Variants in IL1RAPL1 observed in about 807,000 individuals in gnomAD.
IL1RAPL1 encodes interleukin 1 receptor accessory protein like 1.
Under a neutral mutation model 48.4 loss-of-function variants are expected in IL1RAPL1, and 3 were observed. That is an observed-to-expected ratio of 0.06 (90% confidence interval 0.03 to 0.16). The LOEUF is 0.16. Ranked by LOEUF, IL1RAPL1 falls within the 10% of genes least tolerant of loss-of-function variation. The probability of loss-of-function intolerance (pLI) is 1.00; values close to 1 mark genes in which losing one functional copy is unlikely to be tolerated. For synonymous variants in IL1RAPL1, 185 were observed against 187.7 expected (o/e 0.99, Z 0.12); for missense variants, 349 against 530.6 (o/e 0.66, Z 3.36).
chrX:28,763,455 A>G (rs1936199293), intron 1 of IL1RAPL1, among the ~76,000 whole-genome samples: 1 of 112,140 alleles, frequency 8.9e-6, no homozygotes, highest in South Asian at 3.6e-4. Flanking sequence ...ATGCAATCCC[A>G]TGTAGCTATG....
intron 2 of IL1RAPL1, among the ~76,000 whole-genome samples, chrX:29,175,696 A>G (rs1006500845): frequency 2.8e-5 from 3 of 107,786 alleles, no homozygotes; most frequent in African/African-American, 1.0e-4. Flanking sequence ...AATATAAAAA[A>G]TTAGCCGAGT....
At chrX:29,426,410 G>C (rs1934350555) in intron 5 of IL1RAPL1, among the ~76,000 whole-genome samples, 1 of 111,203 alleles carries the variant, frequency 9.0e-6, no homozygotes, top group African/African-American at 3.3e-5. Context: ...TAATCTCTTT[G>C]ACCAAGCAGT....
intron 2 of IL1RAPL1, among the ~76,000 whole-genome samples, chrX:28,951,742 C>T (rs979358951): frequency 2.7e-5 from 3 of 111,297 alleles, no homozygotes; most frequent in Admixed American, 1.9e-4. Context: ...TAAAAAAGTG[C>T]GATTGACAAA....
intron 5 of IL1RAPL1, among the ~76,000 whole-genome samples, chrX:29,664,453 A>G (rs150141429): frequency 0.021 from 2,280 of 110,728 alleles, 60 homozygotes; most frequent in African/African-American, 0.072. Context: ...ATACATTATG[A>G]AAATTATATA....
intron 9 of IL1RAPL1, among the ~76,000 whole-genome samples, chrX:29,948,952 TCTA>T (rs1341276246): frequency 8.9e-6 from 1 of 112,025 alleles, no homozygotes; most frequent in Non-Finnish European, 1.9e-5. Flanking sequence ...TTAAAACATT[TCTA>T]CTGTCAGTAA....
At chrX:29,066,793 C>T (rs1165210552) in intron 2 of IL1RAPL1, among the ~76,000 whole-genome samples, 1 of 112,041 alleles carries the variant, frequency 8.9e-6, no homozygotes, top group Admixed American at 9.5e-5. Context: ...CTCTCAAATG[C>T]ACTCACTAGA....
At chrX:29,446,734 G>A (rs1361515641) in intron 5 of IL1RAPL1, among the ~76,000 whole-genome samples, 3 of 111,463 alleles carry the variant, frequency 2.7e-5, no homozygotes, top group Non-Finnish European at 3.8e-5. Context: ...CATATAGTAT[G>A]CTCTTGGAGA....
chrX:29,245,943 A>G (rs1258661409), intron 2 of IL1RAPL1, among the ~76,000 whole-genome samples: 1 of 111,260 alleles, frequency 9.0e-6, no homozygotes, highest in East Asian at 2.8e-4. Flanking sequence ...CCAAAACAAA[A>G]ACACCTTCAT....
In IL1RAPL1 at chrX:28,638,771, G is replaced by A. The variant is rs1011091527; in HGVS notation, c.-25+50724G>A. Among the ~76,000 whole-genome samples the A allele has an allele frequency of 2.7e-5, 3 of 110,800 alleles. No homozygotes were observed. In the East Asian group the frequency reaches 8.5e-4, roughly 31 times the overall value. ...ATATTTCATTGGCTGATTCATCAGAGTGAATCTATGTGGTCGTAAATGAAT... is the reference window on the plus strand; with the variant it reads ...ATATTTCATTGGCTGATTCATCAGAATGAATCTATGTGGTCGTAAATGAAT... On this transcript the variant is annotated intron_variant, in intron 1 of 10. Coordinates refer to ENST00000378993, the MANE Select transcript of IL1RAPL1 (RefSeq NM_014271.4).
At chrX:29,338,107 C>T (rs1167184287) in intron 3 of IL1RAPL1, among the ~76,000 whole-genome samples, 2 of 111,789 alleles carry the variant, frequency 1.8e-5, no homozygotes, top group Non-Finnish European at 3.8e-5. Context: ...ATTGTGGCTT[C>T]ATCAATTAAC....
At chrX:29,044,537 C>G (rs984593359) in intron 2 of IL1RAPL1, among the ~76,000 whole-genome samples, 2 of 108,726 alleles carry the variant, frequency 1.8e-5, no homozygotes, top group East Asian at 5.8e-4. Context: ...TTTTTTAATC[C>G]CTAATGATTA....
intron 5 of IL1RAPL1, among the ~76,000 whole-genome samples, chrX:29,625,062 G>C (rs1424616957): frequency 3.6e-5 from 4 of 111,670 alleles, no homozygotes; most frequent in Non-Finnish European, 7.5e-5. Flanking sequence ...CACAAAAGCA[G>C]TGATAGTCAA....
chrX:29,083,072 T>A (rs886658349), intron 2 of IL1RAPL1, among the ~76,000 whole-genome samples: 10 of 112,262 alleles, frequency 8.9e-5, no homozygotes, highest in African/African-American at 3.2e-4. Flanking sequence ...GATGCTGGTA[T>A]ATAATTTTCT....
intron 5 of IL1RAPL1, among the ~76,000 whole-genome samples, chrX:29,430,117 CTCTG>C (rs1367904385): frequency 2.6e-5 from 2 of 76,165 alleles, no homozygotes; most frequent in Non-Finnish European, 5.6e-5. Flanking sequence ...TTATGTCTCT[CTCTG>C]TCTGTCTCTC....
intron 2 of IL1RAPL1, among the ~76,000 whole-genome samples, chrX:29,251,773 C>A (rs1931623441): frequency 1.8e-5 from 2 of 110,512 alleles, no homozygotes; most frequent in Non-Finnish European, 1.9e-5. Flanking sequence ...ATGAGAGAGA[C>A]AAGGTGGGAA....
At chrX:29,659,681 A>G (rs113143662) in intron 5 of IL1RAPL1, among the ~76,000 whole-genome samples, 8 of 111,504 alleles carry the variant, frequency 7.2e-5, no homozygotes, top group African/African-American at 2.6e-4. Context: ...CTAGAGTGCA[A>G]TGGCGCGATC....
At chrX:28,890,383 A>G (rs1922741850) in intron 2 of IL1RAPL1, among the ~76,000 whole-genome samples, 1 of 111,567 alleles carries the variant, frequency 9.0e-6, no homozygotes, top group Non-Finnish European at 1.9e-5. Flanking sequence ...GAGAGACATG[A>G]GGAGTTTTTA....
chrX:29,287,569 A>G (rs1932303214), intron 3 of IL1RAPL1, among the ~76,000 whole-genome samples: 1 of 112,330 alleles, frequency 8.9e-6, no homozygotes, highest in Non-Finnish European at 1.9e-5. Flanking sequence ...ACATCCTTGC[A>G]GCATTTGCGA....
chrX:29,191,585 A>T (rs887567399), intron 2 of IL1RAPL1, among the ~76,000 whole-genome samples: 2 of 111,850 alleles, frequency 1.8e-5, no homozygotes, highest in African/African-American at 6.5e-5. Flanking sequence ...ATGTACTTTG[A>T]CACCTTTTGC....
Sources: allele counts gnomAD v4.1 joint callset (sites outside exome capture counted in the v4.1 genomes callset), GRCh38; gene constraint gnomAD v4.1.1; transcripts MANE v1.5; gene names NCBI Gene and HGNC (gene_info 2026-07-23, HGNC 2026-07-21).